Variants in CLMP observed in about 807,000 individuals in gnomAD.
CLMP encodes the protein CXADR like cell adhesion molecule, also known as CXADR-like membrane protein.
Under a neutral mutation model 45.2 loss-of-function variants are expected in CLMP, and 27 were observed. The ratio of observed to expected loss-of-function variants is 0.60; its 90% confidence interval spans 0.44 to 0.82. The LOEUF is 0.82. CLMP is among the 40% of genes least tolerant of loss of function. The probability of loss-of-function intolerance (pLI) is 0.00; values close to 1 mark genes in which losing one functional copy is unlikely to be tolerated. For synonymous variants in CLMP, 167 were observed against 171.4 expected (o/e 0.97, Z 0.20); for missense variants, 403 against 448.4 (o/e 0.90, Z 0.91).
intron 1 of CLMP, among the ~76,000 whole-genome samples, chr11:123,150,480 A>AAAAAGGAAGGAAGG (rs1861307477): frequency 2.0e-4 from 8 of 40,988 alleles, no homozygotes; most frequent in Non-Finnish European, 3.8e-4. Flanking sequence ...AGAAAGAAAG[A>AAAAAGGAAGGAAGG]AAGGAAGGAA....
intron 2 of CLMP, among the ~76,000 whole-genome samples, chr11:123,087,677 T>G (rs961597771): frequency 5.9e-5 from 9 of 151,408 alleles, no homozygotes; most frequent in African/African-American, 2.2e-4. Flanking sequence ...AAAAATTAGC[T>G]GGGTGTGGTG....
chr11:123,194,854 G>C, intron 1 of CLMP, 59 bp downstream of exon 1: 1 of 1,605,938 alleles, frequency 6.2e-7, no homozygotes, highest in South Asian at 1.1e-5. Flanking sequence ...GTCTTTCCCG[G>C]ACGCAGGGCT....
chr11:123,120,217 T>C (rs150737858), intron 1 of CLMP, among the ~76,000 whole-genome samples: 82 of 152,234 alleles, frequency 5.4e-4, no homozygotes, highest in African/African-American at 1.8e-3. Flanking sequence ...GCCCAGGAGA[T>C]TGAGACCAAC....
At chr11:123,180,601 A>T (rs1301559997) in intron 1 of CLMP, among the ~76,000 whole-genome samples, 2 of 32,488 alleles carry the variant, frequency 6.2e-5, no homozygotes, top group Admixed American at 7.0e-4. Context: ...GCATAGGAGT[A>T]AAAAAAAAAA....
intron 1 of CLMP, among the ~76,000 whole-genome samples, chr11:123,175,257 C>T (rs1861683495): frequency 6.7e-6 from 1 of 150,248 alleles, no homozygotes; most frequent in African/African-American, 2.5e-5. Flanking sequence ...CCTCAGGAAA[C>T]TAATAATCAC....
At chr11:123,168,445 A>C (rs1861588687) in intron 1 of CLMP, among the ~76,000 whole-genome samples, 1 of 152,174 alleles carries the variant, frequency 6.6e-6, no homozygotes, top group Non-Finnish European at 1.5e-5. Context: ...ATTTGGAAAT[A>C]ACTGAGATAG....
intron 1 of CLMP, among the ~76,000 whole-genome samples, chr11:123,167,421 G>A (rs981328997): frequency 6.6e-6 from 1 of 152,044 alleles, no homozygotes; most frequent in African/African-American, 2.4e-5. Context: ...GAGTAGCTGG[G>A]ACTACAGGCG....
chr11:123,132,089 G>A (rs796587994), intron 1 of CLMP, among the ~76,000 whole-genome samples: 9 of 152,144 alleles, frequency 5.9e-5, no homozygotes, highest in African/African-American at 1.9e-4. Flanking sequence ...TTTGCGGGGG[G>A]GTCTATGTGT....
chr11:123,150,478 A>AGAAAGAAAGAAAGAAAAG (rs1565397421), intron 1 of CLMP, among the ~76,000 whole-genome samples: 1 of 103,666 alleles, frequency 9.6e-6, no homozygotes, highest in African/African-American at 3.7e-5. Flanking sequence ...AAAGAAAGAA[A>AGAAAGAAAGAAAGAAAAG]GAAAGGAAGG....
intron 5 of CLMP, among the ~76,000 whole-genome samples, chr11:123,079,679 T>C (rs577695650): frequency 3.9e-5 from 6 of 152,222 alleles, no homozygotes; most frequent in African/African-American, 1.4e-4. Context: ...ACTCCTGACC[T>C]CGTGATCCGC....
chr11:123,166,549 AC>A (rs1425068188), intron 1 of CLMP, among the ~76,000 whole-genome samples: 1 of 152,144 alleles, frequency 6.6e-6, no homozygotes, highest in Non-Finnish European at 1.5e-5. Flanking sequence ...AAGGCCCGTG[AC>A]CCTTCCCCAG....
chr11:123,174,010 G>A (rs1861667960), intron 1 of CLMP, among the ~76,000 whole-genome samples: 1 of 152,142 alleles, frequency 6.6e-6, no homozygotes, highest in South Asian at 2.1e-4. Context: ...CTGAGTCTGG[G>A]AAGTTGAGGC....
chr11:123,096,211 G>A (rs938195955), intron 2 of CLMP, among the ~76,000 whole-genome samples: 1 of 152,078 alleles, frequency 6.6e-6, no homozygotes, highest in Non-Finnish European at 1.5e-5. Context: ...AAAATTAGCT[G>A]GGCGTGGTGG....
At chr11:123,105,602 G>C (rs970667667) in intron 1 of CLMP, among the ~76,000 whole-genome samples, 1 of 150,760 alleles carries the variant, frequency 6.6e-6, no homozygotes, top group Non-Finnish European at 1.5e-5. Flanking sequence ...GGTTAATTTT[G>C]TATTTTTAGT....
intron 1 of CLMP, among the ~76,000 whole-genome samples, chr11:123,106,734 C>CT (rs1417176928): frequency 6.6e-6 from 1 of 152,040 alleles, no homozygotes. Flanking sequence ...AATAATTGTA[C>CT]TTGTGGCTGG....
At chr11:123,097,709 A>C in intron 2 of CLMP, 86 bp downstream of exon 2, 1 of 1,064,836 alleles carries the variant, frequency 9.4e-7, no homozygotes, top group Admixed American at 2.6e-5. Context: ...GCTCTTTCAG[A>C]GCCAGAAAGA....
intron 1 of CLMP, among the ~76,000 whole-genome samples, chr11:123,156,342 G>A (rs1861414718): frequency 1.3e-5 from 2 of 152,166 alleles, no homozygotes; most frequent in African/African-American, 4.8e-5. Flanking sequence ...ATGACAGCCT[G>A]AGCATACAGG....
rs1335629007 is a variant in CLMP at position 123,194,991 on chromosome 11, G to C, written c.-51C>G. 4 of 1,582,462 alleles carry C rather than the reference G, an allele frequency of 2.5e-6. No homozygotes were observed. The South Asian group carries it at 4.5e-5, about 18-fold the overall frequency. On this transcript the variant is annotated 5_prime_UTR_variant, in exon 1 of 7. Transcript: ENST00000448775. Reference sequence around the variant, plus strand: ...CCCGCTCAGCTGCTGCTTGGCTCCGGGGCGGCCGGGCGCCTCCGACGGACC... The same window carrying C: ...CCCGCTCAGCTGCTGCTTGGCTCCGCGGCGGCCGGGCGCCTCCGACGGACC...
intron 1 of CLMP, among the ~76,000 whole-genome samples, chr11:123,151,529 T>C (rs1565398037): frequency 6.6e-6 from 1 of 152,210 alleles, no homozygotes; most frequent in Admixed American, 6.5e-5. Flanking sequence ...GTATCAGGTA[T>C]ACAAAAATGA....
Sources: gnomAD v4.1 joint callset for allele counts (sites outside exome capture counted in the v4.1 genomes callset) on GRCh38, gnomAD v4.1.1 for gene constraint, MANE v1.5 for transcripts, NCBI Gene and HGNC (gene_info 2026-07-23, HGNC 2026-07-21) for gene names.